The following FIBCD1 variants were observed in gnomAD, a reference collection of about 807,000 sequenced individuals.
FIBCD1 encodes fibrinogen C domain containing 1, also known as fibrinogen C domain-containing protein 1.
FIBCD1 carries 47 observed loss-of-function variants against 45.1 expected under a neutral mutation model. The observed-to-expected ratio is 1.04, with a 90% confidence interval of 0.82 to 1.33. The LOEUF (loss-of-function observed/expected upper bound fraction) is 1.33. Among genes scored for constraint, FIBCD1 ranks in the 40% most tolerant of loss-of-function variants. The pLI is 0.00. For synonymous variants in FIBCD1, 313 were observed against 308.1 expected, an observed-to-expected ratio of 1.02 and a Z score of -0.17; for missense variants, 653 against 682.2, an observed-to-expected ratio of 0.96 and a Z score of 0.48.
chr9:130,920,373 A>C (rs1407217240), intron 4 of FIBCD1, among the ~76,000 whole-genome samples: 1 of 151,972 alleles, frequency 6.6e-6, no homozygotes, highest in African/African-American at 2.4e-5. Flanking sequence ...CTCACTCCTC[A>C]CAGATGAGCA....
At chr9:130,906,026 C>T (rs1230145585) in intron 5 of FIBCD1, among the ~76,000 whole-genome samples, 4 of 152,306 alleles carry the variant, frequency 2.6e-5, no homozygotes, top group Middle Eastern at 3.4e-3. Flanking sequence ...GACCTAGCCA[C>T]TGCTGACCCC....
intron 1 of FIBCD1, among the ~76,000 whole-genome samples, chr9:130,936,972 GGTGTGTGTGTGT>G (rs10585045): frequency 1.5e-4 from 22 of 150,450 alleles, no homozygotes; most frequent in Non-Finnish European, 2.8e-4. Context: ...TGAGTGAAGG[GGTGTGTGTGTGT>G]GTGTGTGTGT....
At position 130,903,801 on chromosome 9, in the gene FIBCD1, G is replaced by C; in HGVS notation, c.*263C>G. ...CCGGAGTCACAGTGGGGGCAGGCAG[G>C]AGTTGGGGTCGTCAAGTTTGCCAGC... On this transcript the variant is annotated 3_prime_UTR_variant, in exon 7 of 7. Transcript: ENST00000372338. 1.7e-6 allele frequency: 1 copy of C among 576,546 alleles called. No individual in the cohort carries two copies. The allele number at this position is 576,546 out of a possible 1,614,324, so 35.7% of individuals were successfully genotyped here.
chr9:130,914,516 A>G (rs1231524362), intron 4 of FIBCD1, among the ~76,000 whole-genome samples: 2 of 152,296 alleles, frequency 1.3e-5, no homozygotes, highest in African/African-American at 4.8e-5. Flanking sequence ...GGGGCAGAAA[A>G]TGCAGGGAAG....
chr9:130,920,599 CT>C (rs1240506239), intron 4 of FIBCD1, among the ~76,000 whole-genome samples: 1 of 152,134 alleles, frequency 6.6e-6, no homozygotes, highest in Non-Finnish European at 1.5e-5. Context: ...GTCCCTGCCC[CT>C]GGGACTCCTG....
intron 1 of FIBCD1, among the ~76,000 whole-genome samples, chr9:130,932,868 T>C (rs570966165): frequency 4.8e-4 from 73 of 152,372 alleles, no homozygotes; most frequent in African/African-American, 1.7e-3. Flanking sequence ...GTCCCTGTCA[T>C]GCACTCTTCT....
rs912589174 is a variant in FIBCD1, at chr9:130,922,241, A to C, written c.849+1503T>G. Among the ~76,000 whole-genome samples, 5 of 152,180 alleles carry C rather than the reference A, an allele frequency of 3.3e-5. No individual in the cohort carries two copies. Among genetic ancestry groups the C allele is most frequent in the Admixed American group, 6.5e-5 (1 of 15,280 alleles). The stretch of plus-strand genomic sequence containing the variant: ...GATGCGTCCCGCACTCAGTGGCAGC[A>C]GCCCTGGGGCGGTGGGGTTCTCACC... On this transcript the variant is annotated intron_variant, in intron 4 of 6. Transcript: ENST00000372338. The surrounding 1 kb of genome is among the most constrained non-coding windows in gnomAD (Gnocchi z 4.5).
intron 4 of FIBCD1, among the ~76,000 whole-genome samples, chr9:130,918,644 C>T (rs534265595): frequency 1.3e-5 from 2 of 152,256 alleles, no homozygotes; most frequent in Admixed American, 6.5e-5. Context: ...GTGTGAGCTA[C>T]GGCAGCCCTT....
intron 1 of FIBCD1, among the ~76,000 whole-genome samples, chr9:130,935,627 G>A (rs940758216): frequency 3.3e-5 from 5 of 152,242 alleles, no homozygotes; most frequent in African/African-American, 9.6e-5. Context: ...CTCACAGCGG[G>A]TGATTTCGGT....
chr9:130,911,739 G>A (rs1337708793), intron 5 of FIBCD1, 53 bp downstream of exon 5: 16 of 1,510,310 alleles, frequency 1.1e-5, no homozygotes, highest in South Asian at 2.4e-5. Flanking sequence ...AACTGTGTCC[G>A]GAAGGCAGGG....
chr9:130,916,293 T>C (rs1204740697), intron 4 of FIBCD1, among the ~76,000 whole-genome samples: 1 of 152,212 alleles, frequency 6.6e-6, no homozygotes, highest in Non-Finnish European at 1.5e-5. Flanking sequence ...ATAATGTTGA[T>C]CAAACCCATT....
intron 5 of FIBCD1, among the ~76,000 whole-genome samples, chr9:130,907,759 C>T (rs1321355297): frequency 5.3e-5 from 8 of 151,856 alleles, no homozygotes; most frequent in African/African-American, 1.9e-4. Flanking sequence ...ATTAGCCGGG[C>T]GTGGTGGCGG....
chr9:130,909,523 A>T (rs1831998583), intron 5 of FIBCD1, among the ~76,000 whole-genome samples: 2 of 152,226 alleles, frequency 1.3e-5, no homozygotes, highest in South Asian at 4.1e-4. Flanking sequence ...AATATTCTGA[A>T]TATACTAAAA....
chr9:130,939,626 C>A (rs1371917317), upstream of FIBCD1, among the ~76,000 whole-genome samples: 1 of 152,006 alleles, frequency 6.6e-6, no homozygotes, highest in Non-Finnish European at 1.5e-5. Context: ...GCGCTGTGGT[C>A]GCGAGTACCA....
intron 6 of FIBCD1, 124 bp from the exon 7 acceptor site, chr9:130,904,447 G>A (rs4740379): frequency 0.15 from 206,558 of 1,378,802 alleles, 16,137 homozygotes; most frequent in Non-Finnish European, 0.16. Flanking sequence ...ACGTACGCAC[G>A]TGCTCTCACA....
rs955287843 is a variant in FIBCD1 at position 130,938,671 on chromosome 9, G to A, written c.-64C>T. ...CCGCTGCGGAGCGCAAAGGAGACGG[G>A]GTGGGCGCGGGCGCGGGCGCGGGGC... On this transcript the variant is annotated 5_prime_UTR_variant, in exon 1 of 7. Coordinates refer to ENST00000372338, the MANE Select transcript of FIBCD1 (RefSeq NM_032843.5). The A allele has an allele frequency of 2.8e-4, 313 of 1,133,144 alleles. 3 individuals are homozygous for A. The highest frequency in any genetic ancestry group is 3.3e-4 in the Non-Finnish European group (295 of 900,532). 70.2% of individuals were successfully genotyped at this position (1,133,144 alleles called of 1,614,324 possible).
In FIBCD1 at chr9:130,905,359, T is replaced by C; in HGVS notation, c.1001A>G (p.Asp334Gly). ...CGTGCCATTCTCAAAGTCCTCCAGG[T>C]CCACGTGCAGCTCGTAGGCAGCCTG... is the stretch of plus-strand genomic sequence containing the variant. ...TTQAAYELHV[D>G]LEDFENGTAY... The change falls in exon 6 of 7, where the codon GAC becomes GGC. Residue 334 changes from aspartate to glycine, a missense_variant. Asp to Gly is a moderately conservative substitution (Grantham distance 94). Transcript: ENST00000372338. The C allele has an allele frequency of 1.2e-6, 2 of 1,613,980 alleles. No individual in the cohort carries two copies. The highest frequency in any genetic ancestry group is 2.2e-5 in the East Asian group (1 of 44,870).
In FIBCD1 at chr9:130,903,343, A is replaced by C. The variant is rs1215817952; in HGVS notation, c.*721T>G. 6.5e-6 allele frequency: 1 copy of C among 153,658 alleles called. No individual in the cohort carries two copies. Among genetic ancestry groups the C allele is most frequent in the Non-Finnish European group, 1.4e-5 (1 of 69,164 alleles). 9.5% of individuals were successfully genotyped at this position (153,658 alleles called of 1,614,324 possible). A position where few individuals can be genotyped will look rare whatever the true frequency, so the allele number is the denominator to read the frequency against. ...GGATGGGTTGGGCCTCATTTGAGACAGAGAGCAGGTGGGCACAGCAGGTAA... is the reference window on the plus strand; with the variant it reads ...GGATGGGTTGGGCCTCATTTGAGACCGAGAGCAGGTGGGCACAGCAGGTAA... On this transcript the variant is annotated 3_prime_UTR_variant, in exon 7 of 7. Coordinates refer to ENST00000372338, the MANE Select transcript of FIBCD1 (RefSeq NM_032843.5).
intron 5 of FIBCD1, among the ~76,000 whole-genome samples, chr9:130,907,878 TAC>T (rs1393390391): frequency 2.5e-5 from 3 of 118,622 alleles, no homozygotes; most frequent in African/African-American, 1.0e-4. Context: ...CAGCCTGAAC[TAC>T]AGAGTGAGAC....
Sources: allele counts gnomAD v4.1 joint callset (sites outside exome capture counted in the v4.1 genomes callset), GRCh38; gene constraint gnomAD v4.1.1; non-coding constraint Gnocchi (gnomAD v3.1); transcripts MANE v1.5; gene names NCBI Gene and HGNC (gene_info 2026-07-23, HGNC 2026-07-21).